SPMIP2: variants seen among roughly 807,000 people sequenced by gnomAD.
The protein encoded by SPMIP2 is protein SPMIP2.
the SPMIP2 span, among the ~76,000 whole-genome samples, chr4:159,060,364 C>T: frequency 1.8e-4 from 27 of 152,292 alleles, no homozygotes; most frequent in East Asian, 5.0e-3. Flanking sequence ...ACATCAGGAA[C>T]TAAAGTGGCG....
the SPMIP2 span, chr4:159,007,364 C>A: frequency 1.5e-6 from 1 of 686,242 alleles, no homozygotes; most frequent in Non-Finnish European, 2.7e-6. Flanking sequence ...AACAGATAAG[C>A]AGGAGATGAA....
chr4:158,943,862 T>TTTTTTTC, the SPMIP2 span, among the ~76,000 whole-genome samples: 1 of 133,678 alleles, frequency 7.5e-6, no homozygotes, highest in East Asian at 2.2e-4. Context: ...CATTTTCTTT[T>TTTTTTTC]TTTTTTTTTT....
the SPMIP2 span, among the ~76,000 whole-genome samples, chr4:158,981,361 T>C: frequency 6.6e-6 from 1 of 152,024 alleles, no homozygotes; most frequent in African/African-American, 2.4e-5. Context: ...GAGAACACCA[T>C]AAAGATACTC....
the SPMIP2 span, among the ~76,000 whole-genome samples, chr4:158,994,447 C>T: frequency 2.0e-5 from 3 of 152,272 alleles, no homozygotes; most frequent in South Asian, 6.2e-4. Context: ...GGAAGAATTG[C>T]TTTTCACTAC....
chr4:158,963,840 G>A, the SPMIP2 span, among the ~76,000 whole-genome samples: 3 of 152,134 alleles, frequency 2.0e-5, no homozygotes, highest in Non-Finnish European at 2.9e-5. Flanking sequence ...TTGACAGGAG[G>A]GAGACTCTCC....
the SPMIP2 span, among the ~76,000 whole-genome samples, chr4:159,035,505 A>C: frequency 1.3e-5 from 2 of 152,232 alleles, no homozygotes; most frequent in Admixed American, 1.3e-4. Context: ...AAAAACAAAA[A>C]GCCCCCACAA....
At chr4:159,065,730 A>G in the SPMIP2 span, among the ~76,000 whole-genome samples, 1 of 152,212 alleles carries the variant, frequency 6.6e-6, no homozygotes, top group African/African-American at 2.4e-5. Flanking sequence ...TGCCACATAC[A>G]TACAGTTCTT....
the SPMIP2 span, among the ~76,000 whole-genome samples, chr4:159,021,462 G>A: frequency 6.6e-6 from 1 of 152,192 alleles, no homozygotes; most frequent in African/African-American, 2.4e-5. Flanking sequence ...AGCAGCAGCT[G>A]GGAAATTGCT....
the SPMIP2 span, among the ~76,000 whole-genome samples, chr4:158,964,254 T>C: frequency 5.2e-4 from 79 of 152,230 alleles, 1 homozygote; most frequent in Middle Eastern, 0.01. Flanking sequence ...GAATGGCCCC[T>C]GGCTGACAAC....
chr4:159,008,460 T>G, the SPMIP2 span, among the ~76,000 whole-genome samples: 1 of 151,968 alleles, frequency 6.6e-6, no homozygotes. Context: ...TCCCAGCAAC[T>G]CAGGAGGCTA....
the SPMIP2 span, chr4:158,895,918 T>C: frequency 7.6e-7 from 1 of 1,307,430 alleles, no homozygotes; most frequent in South Asian, 1.2e-5. Flanking sequence ...TCCCTAGCAT[T>C]GTACCCACTA....
chr4:159,002,638 T>C, the SPMIP2 span, among the ~76,000 whole-genome samples: 1 of 152,212 alleles, frequency 6.6e-6, no homozygotes, highest in Non-Finnish European at 1.5e-5. Flanking sequence ...CATTTTTGTA[T>C]ATAAGAAGAG....
the SPMIP2 span, among the ~76,000 whole-genome samples, chr4:158,965,853 T>A: frequency 6.6e-6 from 1 of 152,186 alleles, no homozygotes; most frequent in African/African-American, 2.4e-5. Flanking sequence ...TTACTGATCA[T>A]CATTTACCAC....
the SPMIP2 span, among the ~76,000 whole-genome samples, chr4:159,043,132 C>T: frequency 6.6e-6 from 1 of 152,126 alleles, no homozygotes; most frequent in Admixed American, 6.5e-5. Flanking sequence ...TCACTAACTC[C>T]CTATTTTCTA....
the SPMIP2 span, among the ~76,000 whole-genome samples, chr4:159,006,127 T>C: frequency 1.3e-5 from 2 of 152,336 alleles, no homozygotes; most frequent in South Asian, 4.1e-4. Flanking sequence ...TCGAATTATG[T>C]TTCCGTTGAA....
the SPMIP2 span, chr4:158,973,254 C>T: frequency 6.2e-7 from 1 of 1,613,822 alleles, no homozygotes; most frequent in Non-Finnish European, 8.5e-7. Flanking sequence ...ATGCTGTTCT[C>T]CTACATAGGA....
At chr4:158,980,945 G>A in the SPMIP2 span, among the ~76,000 whole-genome samples, 1 of 152,058 alleles carries the variant, frequency 6.6e-6, no homozygotes, top group East Asian at 1.9e-4. Flanking sequence ...CAGAATGCAA[G>A]GAAGAACCTT....
At chr4:159,066,345 G>A in the SPMIP2 span, among the ~76,000 whole-genome samples, 2 of 151,964 alleles carry the variant, frequency 1.3e-5, no homozygotes, top group Non-Finnish European at 2.9e-5. Context: ...GGTGCCACAG[G>A]GAAATATGCT....
chr4:158,915,253 C>T, the SPMIP2 span: 1 of 1,613,494 alleles, frequency 6.2e-7, no homozygotes, highest in African/African-American at 1.3e-5. Context: ...ACAAGAATAG[C>T]CCATTTGGAA....
Sources: allele counts gnomAD v4.1 joint callset (sites outside exome capture counted in the v4.1 genomes callset), GRCh38; gene constraint gnomAD v4.1.1; transcripts MANE v1.5; gene names NCBI Gene and HGNC (gene_info 2026-07-23, HGNC 2026-07-21).